Variants in CA8 observed in about 807,000 individuals in gnomAD.
The protein encoded by CA8 is carbonic anhydrase 8 (inactive), also known as carbonic anhydrase-related protein.
A neutral mutation model predicts 41.4 loss-of-function variants in CA8; 22 were observed. That is an observed-to-expected ratio of 0.53 (90% confidence interval 0.38 to 0.76). The LOEUF (loss-of-function observed/expected upper bound fraction) is 0.76. CA8 is among the 30% of genes least tolerant of loss of function. The pLI is 0.00. For missense variants in CA8, 270 were observed against 352.8 expected, an observed-to-expected ratio of 0.77 and a Z score of 1.88; for synonymous variants, 121 against 130.6, an observed-to-expected ratio of 0.93 and a Z score of 0.50.
intron 3 of CA8, among the ~76,000 whole-genome samples, chr8:60,246,875 CTTTTTTTTTTTT>C (rs10567353): frequency 3.4e-5 from 3 of 89,102 alleles, no homozygotes; most frequent in South Asian, 4.1e-4. Context: ...ATAATAACCA[CTTTTTTTTTTTT>C]TTTTTTTTTT....
intron 2 of CA8, among the ~76,000 whole-genome samples, chr8:60,269,235 ATT>A (rs1191405669): frequency 6.6e-6 from 1 of 151,950 alleles, no homozygotes; most frequent in African/African-American, 2.4e-5. Flanking sequence ...TACTGCTTAC[ATT>A]TTTTTAAATA....
intron 3 of CA8, among the ~76,000 whole-genome samples, chr8:60,244,063 C>A (rs149969296): frequency 2.0e-5 from 3 of 152,154 alleles, no homozygotes; most frequent in Non-Finnish European, 4.4e-5. Context: ...TTCCCTCCAC[C>A]GCCCCTCGGA....
At chr8:60,252,889 C>G (rs1808500297) in intron 3 of CA8, among the ~76,000 whole-genome samples, 2 of 151,996 alleles carry the variant, frequency 1.3e-5, no homozygotes, top group African/African-American at 4.8e-5. Flanking sequence ...CCAGATAGGG[C>G]TACTCAACCT....
At chr8:60,276,351 A>G (rs571954900) in intron 2 of CA8, among the ~76,000 whole-genome samples, 3 of 152,312 alleles carry the variant, frequency 2.0e-5, no homozygotes, top group East Asian at 1.9e-4. Flanking sequence ...TCCACAGGAA[A>G]AAGAAAGGAC....
At chr8:60,253,875 T>C (rs1239502677) in intron 3 of CA8, among the ~76,000 whole-genome samples, 1 of 152,208 alleles carries the variant, frequency 6.6e-6, no homozygotes, top group African/African-American at 2.4e-5. Flanking sequence ...TACTCTCTGA[T>C]CTGTGTTCTT....
chr8:60,210,438 G>A (rs556033572), intron 7 of CA8, among the ~76,000 whole-genome samples: 50 of 152,300 alleles, frequency 3.3e-4, no homozygotes, highest in African/African-American at 1.1e-3. Context: ...GGGGGCCCAC[G>A]AAAGCCCTGA....
chr8:60,243,649 T>G (rs6999752), intron 3 of CA8, among the ~76,000 whole-genome samples: 17,480 of 152,004 alleles, frequency 0.11, 2,030 homozygotes, highest in African/African-American at 0.3. Context: ...GTCTGAAACT[T>G]CTCACCATGT....
chr8:60,277,574 C>T (rs1051993251), intron 2 of CA8, among the ~76,000 whole-genome samples: 3 of 152,088 alleles, frequency 2.0e-5, no homozygotes, highest in South Asian at 4.1e-4. Flanking sequence ...AGGCTGGTGT[C>T]GAACTCCTGA....
At position 60,219,402 on chromosome 8, in the gene CA8, C is replaced by T. The variant is rs757627784; in HGVS notation, c.738+3247G>A. Reference sequence around the variant, plus strand: ...CGAACTCCTGACCTCGTGATCTGCCCGCCTGGGCCTCCCAAAGTGCTGGGA... The same window carrying T: ...CGAACTCCTGACCTCGTGATCTGCCTGCCTGGGCCTCCCAAAGTGCTGGGA... On this transcript the variant is annotated intron_variant, in intron 7 of 8. Transcript: ENST00000317995. 7.9e-4 allele frequency among the ~76,000 whole-genome samples: 120 copies of T among 152,224 alleles called. 1 individual carries two copies. The highest frequency in any genetic ancestry group is 1.5e-3 in the Non-Finnish European group (105 of 68,016).
chr8:60,279,949 A>C, intron 1 of CA8, 69 bp from the exon 2 acceptor site: 6 of 1,304,534 alleles, frequency 4.6e-6, no homozygotes, highest in Non-Finnish European at 6.5e-6. Context: ...AACATGTAAA[A>C]ACTAAACACT....
intron 2 of CA8, among the ~76,000 whole-genome samples, chr8:60,276,177 C>A (rs569344179): frequency 6.6e-5 from 10 of 152,248 alleles, no homozygotes; most frequent in African/African-American, 2.4e-4. Flanking sequence ...ATCCAGAAAA[C>A]ATTCGATCTA....
chr8:60,203,089 G>C (rs1210626774), intron 8 of CA8, among the ~76,000 whole-genome samples: 1 of 152,156 alleles, frequency 6.6e-6, no homozygotes, highest in East Asian at 1.9e-4. Context: ...GATTAGTAAG[G>C]TCAGTTTACT....
At chr8:60,258,036 T>C (rs1157155736) in intron 3 of CA8, among the ~76,000 whole-genome samples, 6 of 152,184 alleles carry the variant, frequency 3.9e-5, no homozygotes, top group Admixed American at 3.3e-4. Context: ...TTCTGAGTAG[T>C]GTGATGAAAT....
chr8:60,230,605 CTCCT>C (rs943613664), intron 4 of CA8, among the ~76,000 whole-genome samples: 21 of 151,812 alleles, frequency 1.4e-4, no homozygotes, highest in African/African-American at 4.1e-4. Flanking sequence ...CCCTCCTTCC[CTCCT>C]TCCTTCCTTC....
At chr8:60,275,808 G>C (rs1253561802) in intron 2 of CA8, among the ~76,000 whole-genome samples, 8 of 152,100 alleles carry the variant, frequency 5.3e-5, no homozygotes, top group Non-Finnish European at 1.5e-5. Flanking sequence ...AACAACAGTA[G>C]TAAAGAAAAC....
At chr8:60,198,608 T>C (rs1484614772) in intron 8 of CA8, among the ~76,000 whole-genome samples, 1 of 150,042 alleles carries the variant, frequency 6.7e-6, no homozygotes, top group Admixed American at 6.6e-5. Flanking sequence ...TAAGGGTGAT[T>C]GACTATCTAA....
At chr8:60,221,102 G>A (rs531209966) in intron 7 of CA8, among the ~76,000 whole-genome samples, 10 of 152,248 alleles carry the variant, frequency 6.6e-5, no homozygotes, top group Non-Finnish European at 1.0e-4. Context: ...CAACATCTTC[G>A]CTGTTAAGTC....
chr8:60,218,166 C>A (rs978144351), intron 7 of CA8, among the ~76,000 whole-genome samples: 1 of 152,188 alleles, frequency 6.6e-6, no homozygotes, highest in African/African-American at 2.4e-5. Context: ...GCAATTCCCA[C>A]GAATACTCAG....
intron 3 of CA8, among the ~76,000 whole-genome samples, chr8:60,238,142 A>G (rs906633697): frequency 6.6e-6 from 1 of 152,232 alleles, no homozygotes; most frequent in Non-Finnish European, 1.5e-5. Flanking sequence ...CAGAATAGAT[A>G]AATTTGTCCA....
Sources: gnomAD v4.1 joint callset for allele counts (sites outside exome capture counted in the v4.1 genomes callset) on GRCh38, gnomAD v4.1.1 for gene constraint, MANE v1.5 for transcripts, NCBI Gene and HGNC (gene_info 2026-07-23, HGNC 2026-07-21) for gene names.